The following ZNF236 variants were observed in gnomAD, a reference collection of about 807,000 sequenced individuals.
ZNF236 encodes the protein regulated by glucose.
A neutral mutation model predicts 191.2 loss-of-function variants in ZNF236; 50 were observed. The observed-to-expected ratio is 0.26, with a 90% CI of 0.21 to 0.33. ZNF236 has a LOEUF of 0.33. Among genes scored for constraint, ZNF236 ranks in the 10% least tolerant of loss-of-function variants. The probability of loss-of-function intolerance (pLI) is 1.00; values close to 1 mark genes in which losing one functional copy is unlikely to be tolerated. For missense variants in ZNF236, 1,754 were observed against 2,374.5 expected (o/e 0.74, Z 5.43); for synonymous variants, 907 against 928.8 (o/e 0.98, Z 0.43).
At chr18:76,842,713 C>A (rs894624291) in intron 1 of ZNF236, among the ~76,000 whole-genome samples, 1 of 151,020 alleles carries the variant, frequency 6.6e-6, no homozygotes, top group Non-Finnish European at 1.5e-5. Context: ...ATCGCGCCAT[C>A]GCACTCCAGC....
chr18:76,941,476 G>A (rs992099061), intron 26 of ZNF236, among the ~76,000 whole-genome samples: 3 of 152,222 alleles, frequency 2.0e-5, no homozygotes, highest in Admixed American at 1.3e-4. Flanking sequence ...CCAGTACCTC[G>A]TTTGCCACGC....
At chr18:76,835,488 T>G (rs543206679) in intron 1 of ZNF236, among the ~76,000 whole-genome samples, 34 of 150,820 alleles carry the variant, frequency 2.3e-4, no homozygotes, top group African/African-American at 6.4e-4. Flanking sequence ...CCATACAAAT[T>G]GAAAGATCTT....
At chr18:76,822,954 C>T (rs1363506640) in intron 1 of ZNF236, among the ~76,000 whole-genome samples, 1 of 148,248 alleles carries the variant, frequency 6.7e-6, no homozygotes, top group African/African-American at 2.4e-5. Context: ...CCGCCTCCTG[C>T]GCGCGCCCTG....
chr18:76,969,700 A>G lies in ZNF236; in HGVS notation c.*1361A>G, dbSNP rs1968874884. 6.6e-6 allele frequency: 1 copy of G among 152,436 alleles called. No individual in the cohort carries two copies. The highest frequency in any genetic ancestry group is 1.5e-5 in the Non-Finnish European group (1 of 67,990). 9.4% of individuals were successfully genotyped at this position (152,436 alleles called of 1,614,324 possible). ...AGAAGAGAGTAGTTTTATTATAAATATTGTATGGACTTTGTATATTAAGAG... is the reference window on the plus strand; with the variant it reads ...AGAAGAGAGTAGTTTTATTATAAATGTTGTATGGACTTTGTATATTAAGAG... On this transcript the variant is annotated 3_prime_UTR_variant, in exon 31 of 31. Transcript: ENST00000320610.
chr18:76,912,867 G>C (rs879439383), intron 17 of ZNF236, among the ~76,000 whole-genome samples: 2 of 152,198 alleles, frequency 1.3e-5, no homozygotes, highest in Non-Finnish European at 2.9e-5. Flanking sequence ...TGGCCAGGCT[G>C]GTCTCAAACT....
rs1967235457 is a variant in ZNF236 at position 76,912,269 on chromosome 18, C to G, written c.2831C>G (p.Ser944Cys). 6.2e-7 allele frequency: 1 copy of G among 1,614,020 alleles called. No homozygotes were observed. The highest frequency in any genetic ancestry group is 8.5e-7 in the Non-Finnish European group (1 of 1,180,012). The change falls in exon 17 of 31, where the codon TCC (serine) becomes TGC (cysteine). Residue 944 changes from serine to cysteine, a missense_variant. This residue lies in a region of ZNF236 where 641 missense variants were observed against 869.6 expected (regional missense o/e 0.74). Coordinates refer to ENST00000320610, the MANE Select transcript of ZNF236 (RefSeq NM_001306089.2). ...NVTTRLIQES[S>C]QEELDLQAQG... Reference sequence around the variant, plus strand: ...ACAACTCGCTTGATTCAGGAGTCATCCCAAGAGGAACTGGACCTGCAGGCA... The same window carrying G: ...ACAACTCGCTTGATTCAGGAGTCATGCCAAGAGGAACTGGACCTGCAGGCA...
chr18:76,940,511 G>A (rs562896563), intron 26 of ZNF236, among the ~76,000 whole-genome samples: 5 of 152,316 alleles, frequency 3.3e-5, no homozygotes, highest in African/African-American at 9.6e-5. Context: ...ACATAGTAAA[G>A]AAGTAAAAAT....
At chr18:76,941,120 G>A (rs1283233287) in intron 26 of ZNF236, among the ~76,000 whole-genome samples, 1 of 152,202 alleles carries the variant, frequency 6.6e-6, no homozygotes, top group Non-Finnish European at 1.5e-5. Context: ...GTTCCAAAAA[G>A]GGTGGGGACT....
At chr18:76,914,479 T>C (rs1967302220) in intron 18 of ZNF236, among the ~76,000 whole-genome samples, 1 of 152,220 alleles carries the variant, frequency 6.6e-6, no homozygotes, top group Non-Finnish European at 1.5e-5. Context: ...ACATTTGTTT[T>C]CCATTGTGGC....
At chr18:76,892,941 G>A (rs905170933) in intron 9 of ZNF236, among the ~76,000 whole-genome samples, 8 of 152,172 alleles carry the variant, frequency 5.3e-5, no homozygotes, top group Non-Finnish European at 8.8e-5. Flanking sequence ...CTAGCTTTCC[G>A]GATCTTTCCA....
chr18:76,927,592 T>G lies in ZNF236; in HGVS notation c.4414+75T>G, dbSNP rs1967739570. Reference sequence around the variant, plus strand: ...TTGCTTGTGATTACATATTTGAATTTAGGATGTTATGATGTCATTTTCTTC... The same window carrying G: ...TTGCTTGTGATTACATATTTGAATTGAGGATGTTATGATGTCATTTTCTTC... On this transcript the variant is annotated intron_variant, in intron 24 of 30. Transcript: ENST00000320610. The surrounding 1 kb of genome is among the most constrained non-coding windows in gnomAD (Gnocchi z 5.4). The G allele has an allele frequency of 6.6e-7, 1 of 1,526,076 alleles. No individual in the cohort carries two copies. The highest frequency in any genetic ancestry group is 1.3e-5 in the South Asian group (1 of 78,272). 94.5% of individuals were successfully genotyped at this position (1,526,076 alleles called of 1,614,324 possible).
At position 76,880,964 on chromosome 18, in the gene ZNF236, A is replaced by C. The variant is rs1409208283; in HGVS notation, c.1189-320A>C. ...CCCAGTGTAACTCAAAAGCCTTAAA[A>C]TAGGGATTCCCAAGACTATTTAGAG... On this transcript the variant is annotated intron_variant, in intron 8 of 30. Transcript: ENST00000320610. This position sits in a 1 kb window ranked among gnomAD's most constrained non-coding sequence, Gnocchi z 5.0. Among the ~76,000 whole-genome samples, 4 of 152,260 alleles carry C rather than the reference A, an allele frequency of 2.6e-5. No homozygotes were observed. Among genetic ancestry groups the C allele is most frequent in the African/African-American group, 9.6e-5 (4 of 41,466 alleles).
At chr18:76,932,358 G>T (rs936527893) in intron 25 of ZNF236, among the ~76,000 whole-genome samples, 3 of 152,166 alleles carry the variant, frequency 2.0e-5, no homozygotes, top group African/African-American at 7.2e-5. Context: ...TGGGTGGAAG[G>T]TCCAAAATAT....
intron 1 of ZNF236, among the ~76,000 whole-genome samples, chr18:76,823,769 C>T (rs1386648159): frequency 1.3e-5 from 2 of 152,188 alleles, no homozygotes; most frequent in East Asian, 1.9e-4. Context: ...GACTTTCCTG[C>T]GCAGGGGGAT....
chr18:76,875,658 C>T lies in ZNF236; in HGVS notation c.834C>T (p.His278=). ...TTCAGTCGCACGTGCAGCGAGTCCA[C>T]TCAGAGGTAAACACGGGTTGGGGGC... ...GNLQSHVQRV[H]SEVKNGPTYN... The change falls in exon 6 of 31, where the codon CAC becomes CAT. Residue 278 remains histidine (H), a synonymous_variant. Transcript: ENST00000320610. The surrounding 1 kb of genome is among the most constrained non-coding windows in gnomAD (Gnocchi z 4.3). 6.3e-7 allele frequency: 1 copy of T among 1,577,890 alleles called. No homozygotes were observed. The highest frequency in any genetic ancestry group is 1.7e-4 in the Middle Eastern group (1 of 5,828).
intron 3 of ZNF236, among the ~76,000 whole-genome samples, chr18:76,862,543 A>G (rs980205191): frequency 3.3e-5 from 5 of 150,814 alleles, no homozygotes; most frequent in Non-Finnish European, 7.4e-5. Context: ...GCGTGTTGGC[A>G]GAGTCTATCT....
intron 1 of ZNF236, chr18:76,834,978 G>GT (rs35789549): frequency 0.41 from 59,128 of 145,524 alleles, 12,200 homozygotes; most frequent in Middle Eastern, 0.55. Context: ...TTTATTTTCT[G>GT]TTTTTTTTTT....
At position 76,919,377 on chromosome 18, in the gene ZNF236, G is replaced by C. The variant is rs772344901; in HGVS notation, c.3275-399G>C. ...GAATGATCAAATCAGAGTACTTGGG[G>C]TATTCATCACCTTAAGTATTTAGCA... On this transcript the variant is annotated intron_variant, in intron 19 of 30. Coordinates refer to ENST00000320610, the MANE Select transcript of ZNF236 (RefSeq NM_001306089.2). This position sits in a 1 kb window ranked among gnomAD's most constrained non-coding sequence, Gnocchi z 5.3. Among the ~76,000 whole-genome samples, 3 of 152,118 alleles carry C rather than the reference G, an allele frequency of 2.0e-5. No individual in the cohort carries two copies. Among genetic ancestry groups the C allele is most frequent in the Non-Finnish European group, 2.9e-5 (2 of 68,022 alleles).
At chr18:76,943,904 G>A (rs573107429) in intron 26 of ZNF236, among the ~76,000 whole-genome samples, 1 of 152,104 alleles carries the variant, frequency 6.6e-6, no homozygotes, top group Non-Finnish European at 1.5e-5. Context: ...TGTATAGGCC[G>A]GTAAAATTAT....
Sources: allele counts gnomAD v4.1 joint callset (sites outside exome capture counted in the v4.1 genomes callset), GRCh38; gene constraint gnomAD v4.1.1; regional missense constraint gnomAD v4.1.1; non-coding constraint Gnocchi (gnomAD v3.1); transcripts MANE v1.5; gene names NCBI Gene and HGNC (gene_info 2026-07-23, HGNC 2026-07-21).